The following CYP2A13 variants were observed in gnomAD, a reference collection of about 807,000 sequenced individuals.
CYP2A13 encodes the protein cytochrome P450 2A13.
In CYP2A13, 30 loss-of-function variants were observed where a neutral mutation model predicts 39.4. The ratio of observed to expected loss-of-function variants is 0.76; its 90% CI spans 0.57 to 1.03. The LOEUF (loss-of-function observed/expected upper bound fraction) is 1.03. Ranked by LOEUF, CYP2A13 falls within the 50% of genes least tolerant of loss-of-function variation. CYP2A13 has a pLI of 0.00. For missense variants in CYP2A13, 731 were observed against 648.4 expected (o/e 1.13, Z -1.38); for synonymous variants, 269 against 254.7 (o/e 1.06, Z -0.54).
intron 1 of CYP2A13, 92 bp from the exon 2 acceptor site, chr19:41,088,837 G>A (rs2031098662): frequency 6.4e-7 from 1 of 1,563,388 alleles, no homozygotes; most frequent in African/African-American, 1.4e-5. Flanking sequence ...TGAGAACCTG[G>A]GGGCGAAGCA....
chr19:41,090,237 T>G (rs372525815), intron 3 of CYP2A13, 41 bp downstream of exon 3: 16 of 1,546,930 alleles, frequency 1.0e-5, no homozygotes, highest in Admixed American at 5.8e-5. Flanking sequence ...GAACCCGCGC[T>G]TTCTGCCTGG....
Position 41,091,039 on chromosome 19 carries a change from G to C in CYP2A13, c.654+475G>C, listed in dbSNP as rs4061290. Among the ~76,000 whole-genome samples the C allele has an allele frequency of 8.0e-3, 1,210 of 152,024 alleles. 15 individuals are homozygous for C. The highest frequency in any genetic ancestry group is 0.028 in the African/African-American group (1,148 of 41,318). ...TAGCCCACTGGAATATCTGGCCAAG[G>C]GCCCTCTACTTCACCCACTTAAATG... On this transcript the variant is annotated intron_variant, in intron 4 of 8. Transcript: ENST00000330436.
chr19:41,094,096 A>G (rs1362130876), intron 6 of CYP2A13, 149 bp from the exon 7 acceptor site: 13 of 1,329,752 alleles, frequency 9.8e-6, no homozygotes, highest in Non-Finnish European at 1.2e-5. Flanking sequence ...CTGCTGCAAC[A>G]ATGCGAATGG....
chr19:41,088,575 C>G lies in CYP2A13; in HGVS notation c.104C>G (p.Pro35Arg), dbSNP rs780163108. Residue 35 changes from proline (P) to arginine (R), a missense_variant, in exon 1 of 9, where the codon CCG becomes CGG. Pro to Arg is a moderately radical substitution (Grantham distance 103, BLOSUM62 -2). Transcript: ENST00000330436. ...AGGAAGAGCAGGGGGAAGCTGCCTC[C>G]GGGACCCACCCCATTGCCCTTCATT... ...RQRKSRGKLPPGPTPLPFIGN... is the reference protein window; with the variant it reads ...RQRKSRGKLPRGPTPLPFIGN... 3 of 1,613,998 alleles carry G rather than the reference C, an allele frequency of 1.9e-6. No individual in the cohort carries two copies. The highest frequency in any genetic ancestry group is 2.5e-6 in the Non-Finnish European group (3 of 1,179,924).
intron 6 of CYP2A13, 26 bp from the exon 7 acceptor site, chr19:41,094,219 C>T: frequency 1.2e-6 from 2 of 1,612,888 alleles, no homozygotes; most frequent in Non-Finnish European, 8.5e-7. Context: ...CCCTAGACAC[C>T]TAAACACATT....
intron 8 of CYP2A13, among the ~76,000 whole-genome samples, 172 bp from the exon 9 acceptor site, chr19:41,095,588 A>G (rs1196078475): frequency 2.0e-5 from 3 of 152,166 alleles, no homozygotes; most frequent in Admixed American, 6.5e-5. Context: ...CCATTGTTAT[A>G]TCTCTTATAG....
At chr19:41,089,847 TC>T (rs2031136600) in intron 2 of CYP2A13, among the ~76,000 whole-genome samples, 199 bp from the exon 3 acceptor site, 1 of 118,902 alleles carries the variant, frequency 8.4e-6, no homozygotes, top group Non-Finnish European at 1.8e-5. Flanking sequence ...TCTCTCTCTC[TC>T]TCTCTCTCTC....
chr19:41,090,196 G>A lies in CYP2A13; in HGVS notation c.493G>A (p.Gly165Ser), dbSNP rs1215811183. ...FLIDALRGTH[G>S]ANIDPTFFLS... is the part of the protein sequence containing the mutation. Reference sequence around the variant, plus strand: ...CATCGACGCCCTCCGGGGCACGCACGGTGAGTAGGGGACCCCGAGTGCGAG... The same window carrying A: ...CATCGACGCCCTCCGGGGCACGCACAGTGAGTAGGGGACCCCGAGTGCGAG... Residue 165 changes from glycine to serine, a missense_variant and splice_region_variant, in exon 3 of 9, where the codon GGC becomes AGC. By Grantham distance (56) the Gly-to-Ser change is moderately conservative. Transcript: ENST00000330436. 1.3e-6 allele frequency: 2 copies of A among 1,570,172 alleles called. No individual in the cohort carries two copies. The highest frequency in any genetic ancestry group is 1.2e-5 in the South Asian group (1 of 83,194).
At chr19:41,092,337 A>T (rs1232529469) in intron 5 of CYP2A13, among the ~76,000 whole-genome samples, 3 of 151,132 alleles carry the variant, frequency 2.0e-5, no homozygotes, top group Non-Finnish European at 4.4e-5. Flanking sequence ...AAAAAAAAAA[A>T]AAAAAATCCT....
In CYP2A13 at chr19:41,096,140, G is replaced by A. The variant is rs1469154267; in HGVS notation, c.*199G>A. On this transcript the variant is annotated 3_prime_UTR_variant, in exon 9 of 9. Coordinates refer to ENST00000330436, the MANE Select transcript of CYP2A13 (RefSeq NM_000766.5). ...CTTCAGAGCTGTGATGAGAGGAAGG[G>A]AAACCTTACAGTATGCTACAAAGAG... 8 of 759,486 alleles carry A rather than the reference G, an allele frequency of 1.1e-5. No homozygotes were observed. The highest frequency in any genetic ancestry group is 8.7e-5 in the Admixed American group (3 of 34,448). 47.0% of individuals were successfully genotyped at this position (759,486 alleles called of 1,614,324 possible).
At chr19:41,095,516 CAG>C (rs1156935634) in intron 8 of CYP2A13, among the ~76,000 whole-genome samples, 1 of 152,158 alleles carries the variant, frequency 6.6e-6, no homozygotes, top group Non-Finnish European at 1.5e-5. Context: ...CTGTATAACA[CAG>C]AGTAAACCCT....
chr19:41,088,687 G>A, intron 1 of CYP2A13, 36 bp downstream of exon 1: 2 of 1,594,536 alleles, frequency 1.3e-6, no homozygotes, highest in East Asian at 4.5e-5. Flanking sequence ...GCACGGGGTG[G>A]GGGCTGCCCA....
chr19:41,092,778 C>T (rs748519448), intron 5 of CYP2A13, among the ~76,000 whole-genome samples: 2 of 152,166 alleles, frequency 1.3e-5, no homozygotes, highest in African/African-American at 2.4e-5. Context: ...GTCAGCCTCC[C>T]ATGTGGGAAG....
chr19:41,090,173 T>C lies in CYP2A13; in HGVS notation c.470T>C (p.Ile157Thr). ...ATCCAGGAGGAGGCGGGCTTCCTCA[T>C]CGACGCCCTCCGGGGCACGCACGGT... ...ERIQEEAGFL[I>T]DALRGTHGAN... The change falls in exon 3 of 9, where the codon ATC (isoleucine) becomes ACC (threonine). Residue 157 changes from isoleucine (I) to threonine (T), a missense_variant. By Grantham distance (89) the Ile-to-Thr change is moderately conservative. Transcript: ENST00000330436. 6.3e-7 allele frequency: 1 copy of C among 1,585,726 alleles called. No individual in the cohort carries two copies. The highest frequency in any genetic ancestry group is 8.6e-7 in the Non-Finnish European group (1 of 1,165,158).
At chr19:41,089,832 C>CG (rs1395002046) in intron 2 of CYP2A13, among the ~76,000 whole-genome samples, 9 of 112,798 alleles carry the variant, frequency 8.0e-5, no homozygotes, top group Non-Finnish European at 1.6e-4. Flanking sequence ...CTCTCTCTCT[C>CG]TCTCTCTCTC....
chr19:41,090,061 A>T lies in CYP2A13; in HGVS notation c.358A>T (p.Asn120Tyr). The change falls in exon 3 of 9, where the codon AAC becomes TAC. Residue 120 changes from asparagine to tyrosine, a missense_variant. Asn to Tyr is a moderately radical substitution (Grantham distance 143). Transcript: ENST00000330436. ...CACCTCCCCAGGCGTGGCGTTCAGC[A>T]ACGGGGAGCGCGCCAAGCAGCTCCG... Reference protein sequence around the residue: ...LFKGYGVAFSNGERAKQLRRF... With the variant: ...LFKGYGVAFSYGERAKQLRRF... 1 of 1,612,498 alleles carries T rather than the reference A, an allele frequency of 6.2e-7. No individual in the cohort carries two copies.
chr19:41,089,880 C>T (rs1241179969), intron 2 of CYP2A13, among the ~76,000 whole-genome samples, 167 bp from the exon 3 acceptor site: 1 of 119,974 alleles, frequency 8.3e-6, no homozygotes, highest in African/African-American at 3.2e-5. Context: ...CTCGTGCTCT[C>T]GTGTTTCTCT....
chr19:41,096,159 C>A lies in CYP2A13; in HGVS notation c.*218C>A. 1.5e-6 allele frequency: 1 copy of A among 675,234 alleles called. No individual in the cohort carries two copies. The highest frequency in any genetic ancestry group is 2.5e-6 in the Non-Finnish European group (1 of 397,962). The allele number at this position is 675,234 out of a possible 1,614,324, so 41.8% of individuals were successfully genotyped here. A position where few individuals can be genotyped will look rare whatever the true frequency, so the allele number is the denominator to read the frequency against. On this transcript the variant is annotated 3_prime_UTR_variant, in exon 9 of 9. Coordinates refer to ENST00000330436, the MANE Select transcript of CYP2A13 (RefSeq NM_000766.5). ...GGAAGGGAAACCTTACAGTATGCTA[C>A]AAAGAGTAGTAATAATAGCAGCTCT...
In CYP2A13 at chr19:41,090,453, C is replaced by T. The variant is rs1276132648; in HGVS notation, c.543C>T (p.Val181=). The T allele has an allele frequency of 6.2e-7, 1 of 1,614,182 alleles. No individual in the cohort carries two copies. The highest frequency in any genetic ancestry group is 1.7e-5 in the Admixed American group (1 of 60,024). Residue 181 remains valine, a synonymous_variant, in exon 4 of 9, where the codon GTC becomes GTT. Coordinates refer to ENST00000330436, the MANE Select transcript of CYP2A13 (RefSeq NM_000766.5). ...TFFLSRTVSN[V]ISSIVFGDRF... ...TCCTGAGCCGCACAGTCTCCAATGT[C>T]ATCAGCTCCATTGTCTTTGGGGACC...
Sources: allele counts gnomAD v4.1 joint callset (sites outside exome capture counted in the v4.1 genomes callset), GRCh38; gene constraint gnomAD v4.1.1; transcripts MANE v1.5; gene names NCBI Gene and HGNC (gene_info 2026-07-23, HGNC 2026-07-21).